SPMIP4: variants seen among roughly 807,000 people sequenced by gnomAD.
SPMIP4 encodes sperm microtubule inner protein 4.
chr7:25,154,999 G>A, the SPMIP4 span: 935,587 of 1,591,966 alleles, frequency 0.59, 278,077 homozygotes, highest in Non-Finnish European at 0.61. Context: ...CTGATTCCAG[G>A]TCACATTTTA....
chr7:25,177,225 G>C, the SPMIP4 span, among the ~76,000 whole-genome samples: 1 of 152,140 alleles, frequency 6.6e-6, no homozygotes. Flanking sequence ...GTTTCCTAGA[G>C]AATTCTTAAA....
the SPMIP4 span, among the ~76,000 whole-genome samples, chr7:25,145,802 C>T: frequency 3.3e-5 from 5 of 152,156 alleles, no homozygotes; most frequent in Admixed American, 6.5e-5. Flanking sequence ...TACTGAATAC[C>T]TATTGCATGC....
the SPMIP4 span, among the ~76,000 whole-genome samples, chr7:25,157,359 T>C: frequency 2.0e-5 from 3 of 152,330 alleles, no homozygotes; most frequent in African/African-American, 7.2e-5. Context: ...AAGTGTGGGC[T>C]GCACACAGAC....
chr7:25,148,744 C>A, the SPMIP4 span, among the ~76,000 whole-genome samples: 1 of 152,074 alleles, frequency 6.6e-6, no homozygotes, highest in African/African-American at 2.4e-5. Context: ...CAAAGTGTCT[C>A]CCAAAGGGAT....
chr7:25,138,455 T>C, the SPMIP4 span, among the ~76,000 whole-genome samples: 1 of 152,210 alleles, frequency 6.6e-6, no homozygotes, highest in Non-Finnish European at 1.5e-5. The surrounding 1 kb of genome is among the most constrained non-coding windows in gnomAD (Gnocchi z 6.2). Context: ...GGTCTCTAAC[T>C]ACTAGGCTCA....
chr7:25,148,366 A>T, the SPMIP4 span, among the ~76,000 whole-genome samples: 2 of 152,146 alleles, frequency 1.3e-5, no homozygotes, highest in African/African-American at 4.8e-5. Flanking sequence ...GAAGGCCAGA[A>T]GTTTGAGGAT....
At chr7:25,163,171 C>T in the SPMIP4 span, among the ~76,000 whole-genome samples, 2 of 152,140 alleles carry the variant, frequency 1.3e-5, no homozygotes, top group South Asian at 2.1e-4. The surrounding 1 kb of genome is among the most constrained non-coding windows in gnomAD (Gnocchi z 4.4). Context: ...GAATACATGA[C>T]GGCTAATAAT....
At chr7:25,153,723 GT>G in the SPMIP4 span, among the ~76,000 whole-genome samples, 1 of 152,144 alleles carries the variant, frequency 6.6e-6, no homozygotes, top group Non-Finnish European at 1.5e-5. Context: ...AATTTTACTT[GT>G]TTATGTATCA....
chr7:25,136,392 T>A, the SPMIP4 span: 44 of 1,614,020 alleles, frequency 2.7e-5, no homozygotes, highest in Non-Finnish European at 3.7e-5. This position sits in a 1 kb window ranked among gnomAD's most constrained non-coding sequence, Gnocchi z 5.7. Flanking sequence ...AAGGTGTGGG[T>A]TGGGTTTTTA....
At chr7:25,144,846 A>G in the SPMIP4 span, among the ~76,000 whole-genome samples, 1 of 152,216 alleles carries the variant, frequency 6.6e-6, no homozygotes, top group African/African-American at 2.4e-5. Flanking sequence ...TGCTACCCCT[A>G]TAAACCTTTA....
At chr7:25,162,757 C>CATTTATTT in the SPMIP4 span, among the ~76,000 whole-genome samples, 196 of 151,574 alleles carry the variant, frequency 1.3e-3, no homozygotes, top group African/African-American at 4.7e-3. Context: ...TAGGATTTGG[C>CATTTATTT]ATTTATTTAT....
At chr7:25,159,373 T>C in the SPMIP4 span, among the ~76,000 whole-genome samples, 1 of 152,216 alleles carries the variant, frequency 6.6e-6, no homozygotes, top group Non-Finnish European at 1.5e-5. Context: ...TCCAAGGCTG[T>C]GCATTTACTA....
the SPMIP4 span, among the ~76,000 whole-genome samples, chr7:25,176,446 G>C: frequency 1.3e-3 from 200 of 152,306 alleles, no homozygotes; most frequent in Middle Eastern, 3.4e-3. This position sits in a 1 kb window ranked among gnomAD's most constrained non-coding sequence, Gnocchi z 4.4. Flanking sequence ...GAGTTGAACA[G>C]GAATTTAGGG....
the SPMIP4 span, among the ~76,000 whole-genome samples, chr7:25,149,633 C>T: frequency 6.6e-6 from 1 of 152,146 alleles, no homozygotes; most frequent in African/African-American, 2.4e-5. Flanking sequence ...TCTCAAATAA[C>T]TCATAATTTA....
At chr7:25,138,632 T>C in the SPMIP4 span, among the ~76,000 whole-genome samples, 1 of 152,310 alleles carries the variant, frequency 6.6e-6, no homozygotes, top group East Asian at 1.9e-4. This position sits in a 1 kb window ranked among gnomAD's most constrained non-coding sequence, Gnocchi z 6.2. Context: ...GAGAAATAAA[T>C]AACTGTTGGC....
the SPMIP4 span, among the ~76,000 whole-genome samples, chr7:25,162,671 G>C: frequency 3.9e-5 from 6 of 152,118 alleles, no homozygotes; most frequent in Non-Finnish European, 7.4e-5. Flanking sequence ...AATACTTTTA[G>C]ACACTACCAT....
At chr7:25,176,334 C>T in the SPMIP4 span, among the ~76,000 whole-genome samples, 2 of 152,196 alleles carry the variant, frequency 1.3e-5, no homozygotes, top group Non-Finnish European at 2.9e-5. This position sits in a 1 kb window ranked among gnomAD's most constrained non-coding sequence, Gnocchi z 4.4. Flanking sequence ...CCTCACATTG[C>T]TGTTTTTGAG....
the SPMIP4 span, among the ~76,000 whole-genome samples, chr7:25,159,369 G>C: frequency 1.3e-5 from 2 of 152,274 alleles, no homozygotes; most frequent in Admixed American, 1.3e-4. Flanking sequence ...TCATTCCAAG[G>C]CTGTGCATTT....
chr7:25,177,837 C>T, the SPMIP4 span, among the ~76,000 whole-genome samples: 1 of 152,090 alleles, frequency 6.6e-6, no homozygotes, highest in Non-Finnish European at 1.5e-5. Flanking sequence ...TTCAGGGGGA[C>T]ATATGCAGGT....
Sources: gnomAD v4.1 joint callset for allele counts (sites outside exome capture counted in the v4.1 genomes callset) on GRCh38, gnomAD v4.1.1 for gene constraint, Gnocchi (gnomAD v3.1) non-coding constraint, MANE v1.5 for transcripts, NCBI Gene and HGNC (gene_info 2026-07-23, HGNC 2026-07-21) for gene names.